Variants in BSG observed in about 807,000 individuals in gnomAD.
BSG encodes the protein basigin.
BSG carries 37 observed loss-of-function variants against 43.1 expected under a neutral mutation model. The observed-to-expected ratio is 0.86, with a 90% confidence interval of 0.66 to 1.13. The LOEUF (loss-of-function observed/expected upper bound fraction) is 1.13. BSG is among the 50% of genes most tolerant of loss of function. The pLI, the probability that BSG is intolerant of heterozygous loss-of-function variation, is 0.00. For missense variants in BSG, 599 were observed against 554.2 expected (o/e 1.08, Z -0.81); for synonymous variants, 309 against 238.7 (o/e 1.29, Z -2.72).
upstream of BSG, chr19:571,730 AT>A: frequency 5.8e-6 from 4 of 685,968 alleles, no homozygotes; most frequent in Middle Eastern, 2.4e-4. Context: ...GTGGGATGCA[AT>A]CTCCAGAGCA....
chr19:573,549 C>A (rs950215077), intron 1 of BSG, among the ~76,000 whole-genome samples: 1 of 152,182 alleles, frequency 6.6e-6, no homozygotes, highest in East Asian at 1.9e-4. Flanking sequence ...ACTCTTAAGA[C>A]CTCGCAGGCT....
At chr19:572,765 C>G in intron 1 of BSG, 64 bp downstream of exon 1, 3 of 1,335,646 alleles carry the variant, frequency 2.2e-6, no homozygotes, top group Non-Finnish European at 2.9e-6. Flanking sequence ...GCCGCGGTGC[C>G]GACCCGAAGC....
At chr19:581,914 C>T (rs989832361) in intron 6 of BSG, among the ~76,000 whole-genome samples, 4 of 152,264 alleles carry the variant, frequency 2.6e-5, no homozygotes, top group African/African-American at 7.2e-5. Flanking sequence ...TGATCAGGCT[C>T]GGGAACCTGA....
At chr19:579,367 G>T (rs762183849) in intron 2 of BSG, 133 bp from the exon 3 acceptor site, 7 of 1,272,464 alleles carry the variant, frequency 5.5e-6, no homozygotes, top group East Asian at 2.5e-5. Flanking sequence ...TCCTCGGGGC[G>T]TAAGGGCCAC....
chr19:579,578 A>G lies in BSG; in HGVS notation c.494A>G (p.Glu165Gly). The G allele has an allele frequency of 1.2e-6, 2 of 1,612,726 alleles. No individual in the cohort carries two copies. The highest frequency in any genetic ancestry group is 1.7e-5 in the Admixed American group (1 of 60,018). ...LTCSLNDSAT[E>G]VTGHRWLKGG... ...TGCTCCTTGAATGACAGCGCCACAG[A>G]GGTCACAGGGCACCGCTGGCTGAAG... Residue 165 changes from glutamate (E) to glycine (G), a missense_variant, in exon 3 of 9, where the codon GAG becomes GGG. Glu to Gly is a moderately conservative substitution (Grantham distance 98). Coordinates refer to ENST00000333511, the MANE Select transcript of BSG (RefSeq NM_001728.4).
rs371073966 is a variant in BSG at position 581,347 on chromosome 19, C to T, written c.825C>T (p.Phe275=). The change falls in exon 6 of 9, where the codon TTC becomes TTT. Residue 275 remains phenylalanine (F), a synonymous_variant. Transcript: ENST00000333511. ...TGAACGGCTCCGAGAGCAGGTTCTT[C>T]GTGAGTTCCTCGCAGGGCCGGTCAG... The part of the protein sequence containing the change: ...ALMNGSESRF[F]VSSSQGRSEL... The T allele has an allele frequency of 1.6e-5, 25 of 1,612,636 alleles. No homozygotes were observed. The highest frequency in any genetic ancestry group is 3.3e-4 in the Middle Eastern group (2 of 6,084).
At chr19:575,866 G>A (rs188261956) in intron 1 of BSG, among the ~76,000 whole-genome samples, 54 of 152,182 alleles carry the variant, frequency 3.5e-4, no homozygotes, top group African/African-American at 1.2e-3. Flanking sequence ...TGCGGCGGGC[G>A]AGATGGGGTG....
intron 1 of BSG, among the ~76,000 whole-genome samples, chr19:574,803 C>G (rs1981620080): frequency 6.6e-6 from 1 of 152,216 alleles, no homozygotes; most frequent in Admixed American, 6.5e-5. Flanking sequence ...CGAATGTCTC[C>G]TGGGCAAGGG....
In BSG at chr19:581,209, G is replaced by T. The variant is rs1232014409; in HGVS notation, c.793-106G>T. 12 of 1,228,376 alleles carry T rather than the reference G, an allele frequency of 9.8e-6. 1 individual carries two copies. The highest frequency in any genetic ancestry group is 1.2e-5 in the Non-Finnish European group (12 of 960,790). 76.1% of individuals were successfully genotyped at this position (1,228,376 alleles called of 1,614,324 possible). A position where few individuals can be genotyped will look rare whatever the true frequency, so the allele number is the denominator to read the frequency against. On this transcript the variant is annotated intron_variant, in intron 5 of 8. Transcript: ENST00000333511. ...TGGGGGTCCCGGACTCAGCCCTCCG[G>T]ACTGGGTGAGGGGCCTAGACTGGGG... is the stretch of plus-strand genomic sequence containing the variant.
chr19:573,136 C>T (rs918513823), intron 1 of BSG, among the ~76,000 whole-genome samples: 1 of 152,160 alleles, frequency 6.6e-6, no homozygotes, highest in Non-Finnish European at 1.5e-5. Context: ...GTCCCATCGG[C>T]CAGGAGAAGG....
At chr19:581,618 T>A (rs1247579233) in intron 6 of BSG, 27 bp downstream of exon 6, 6 of 1,555,656 alleles carry the variant, frequency 3.9e-6, no homozygotes, top group Non-Finnish European at 5.2e-6. Context: ...CCTGCCCACA[T>A]GCCCTGCTCT....
Position 581,404 on chromosome 19 carries a change from C to T in BSG, c.882C>T (p.Ala294=), listed in dbSNP as rs13235. The stretch of plus-strand genomic sequence containing the variant: ...ACATTGAGAACCTGAACATGGAGGC[C>T]GACCCCGGCCAGTACCGGTGCAACG... ...ELHIENLNME[A]DPGQYRCNGT... The change falls in exon 6 of 9, where the codon GCC becomes GCT. Residue 294 remains alanine, a synonymous_variant. Transcript: ENST00000333511. 704 of 1,612,796 alleles carry T rather than the reference C, an allele frequency of 4.4e-4. 2 individuals are homozygous for T. In the African/African-American group the frequency reaches 8.1e-3, roughly 19 times the overall value.
At chr19:582,465 G>C (rs1256155973) in intron 7 of BSG, 49 bp from the exon 8 acceptor site, 1 of 1,595,166 alleles carries the variant, frequency 6.3e-7, no homozygotes, top group Admixed American at 1.7e-5. Flanking sequence ...GTGACTTGGA[G>C]AGAGTGACTT....
rs757947262 is a variant in BSG, at chr19:581,363, G to A, written c.841G>A (p.Gly281Ser). Residue 281 changes from glycine (G) to serine (S), a missense_variant, in exon 6 of 9, where the codon GGC becomes AGC. Coordinates refer to ENST00000333511, the MANE Select transcript of BSG (RefSeq NM_001728.4). ...ESRFFVSSSQ[G>S]RSELHIENLN... is the part of the protein sequence containing the mutation. ...CAGGTTCTTCGTGAGTTCCTCGCAGGGCCGGTCAGAGCTACACATTGAGAA... is the reference window on the plus strand; with the variant it reads ...CAGGTTCTTCGTGAGTTCCTCGCAGAGCCGGTCAGAGCTACACATTGAGAA... The A allele has an allele frequency of 9.5e-5, 154 of 1,612,690 alleles. No homozygotes were observed. The highest frequency in any genetic ancestry group is 1.3e-4 in the Non-Finnish European group (152 of 1,179,940).
intron 1 of BSG, among the ~76,000 whole-genome samples, chr19:575,764 T>C (rs1446990410): frequency 6.6e-6 from 1 of 152,134 alleles, no homozygotes; most frequent in Non-Finnish European, 1.5e-5. Context: ...TTACGTCTCA[T>C]GTGGCCAGAA....
intron 1 of BSG, chr19:575,321 T>A (rs1032697665): frequency 6.6e-6 from 1 of 152,448 alleles, no homozygotes; most frequent in Non-Finnish European, 1.5e-5. Flanking sequence ...AATTCGTGAC[T>A]GTGTTTGCCT....
intron 6 of BSG, 58 bp from the exon 7 acceptor site, chr19:582,248 G>T (rs1982389126): frequency 1.9e-6 from 3 of 1,598,934 alleles, no homozygotes; most frequent in Non-Finnish European, 2.6e-6. Context: ...CCTGAGTGGG[G>T]CCAGTGCTGA....
At chr19:576,539 A>G (rs942907923) in intron 1 of BSG, among the ~76,000 whole-genome samples, 3 of 152,208 alleles carry the variant, frequency 2.0e-5, no homozygotes, top group African/African-American at 7.2e-5. Flanking sequence ...AAGAGGGTGG[A>G]TCACGAGGTC....
Position 582,774 on chromosome 19 carries a change from C to T in BSG, c.*30C>T, listed in dbSNP as rs183270957. On this transcript the variant is annotated 3_prime_UTR_variant, in exon 9 of 9. Transcript: ENST00000333511. ...GGTGGCCCGAGGACGCTCCCTGCTC[C>T]ACGTCTGCGCCGCCGCCGGAGTCCA... is the stretch of plus-strand genomic sequence containing the variant. The T allele has an allele frequency of 8.0e-4, 499 of 625,562 alleles. 1 individual carries two copies. The highest frequency in any genetic ancestry group is 8.1e-4 in the Non-Finnish European group (289 of 357,826). The allele number at this position is 625,562 out of a possible 1,614,324, so 38.8% of individuals were successfully genotyped here.
Sources: allele counts gnomAD v4.1 joint callset (sites outside exome capture counted in the v4.1 genomes callset), GRCh38; gene constraint gnomAD v4.1.1; transcripts MANE v1.5; gene names NCBI Gene and HGNC (gene_info 2026-07-23, HGNC 2026-07-21).